The following DPP10 variants were observed in gnomAD, a reference collection of about 807,000 sequenced individuals.
DPP10 encodes the protein dipeptidyl peptidase like 10, also known as inactive dipeptidyl peptidase 10.
DPP10 carries 33 observed loss-of-function variants against 120.9 expected under a neutral mutation model. The ratio of observed to expected loss-of-function variants is 0.27; its 90% confidence interval spans 0.21 to 0.37. DPP10 has a LOEUF of 0.37. Among genes scored for constraint, DPP10 ranks in the 10% least tolerant of loss-of-function variants. The probability of loss-of-function intolerance (pLI) is 1.00; values close to 1 mark genes in which losing one functional copy is unlikely to be tolerated. For synonymous variants in DPP10, 337 were observed against 326.1 expected, an observed-to-expected ratio of 1.03 and a Z score of -0.36; for missense variants, 816 against 942.8, an observed-to-expected ratio of 0.87 and a Z score of 1.76.
intron 1 of DPP10, among the ~76,000 whole-genome samples, chr2:114,885,265 G>T (rs1049940779): frequency 6.6e-6 from 1 of 152,054 alleles, no homozygotes; most frequent in Non-Finnish European, 1.5e-5. Flanking sequence ...GAATGGGGGG[G>T]ACAGAGAGTG....
chr2:115,575,858 G>A (rs2081621247), intron 5 of DPP10, among the ~76,000 whole-genome samples: 1 of 152,206 alleles, frequency 6.6e-6, no homozygotes, highest in Admixed American at 6.5e-5. Context: ...GCTAGAGGAA[G>A]TGACGCATGA....
chr2:115,366,280 G>A (rs1016692735), intron 3 of DPP10, among the ~76,000 whole-genome samples: 10 of 151,824 alleles, frequency 6.6e-5, no homozygotes, highest in African/African-American at 2.2e-4. Flanking sequence ...GACAGCATCC[G>A]AAATTTACCT....
chr2:115,196,268 G>A (rs1301251101), intron 1 of DPP10, among the ~76,000 whole-genome samples: 2 of 152,174 alleles, frequency 1.3e-5, no homozygotes, highest in South Asian at 2.1e-4. Flanking sequence ...ATTGGAGCAT[G>A]TTCCTCCGTC....
chr2:114,993,933 T>C (rs1023295963), intron 1 of DPP10, among the ~76,000 whole-genome samples: 3 of 152,172 alleles, frequency 2.0e-5, no homozygotes, highest in Non-Finnish European at 4.4e-5. Context: ...TTGAATAGCC[T>C]TTCCGTCATC....
rs1491280011 is a variant in DPP10 at position 115,711,915 on chromosome 2, G to GTTTTTTTTTTTTTTTTTTTTTTTTTT, written c.577-15901_577-15900insTTTTTTTTTTTTTTTTTTTTTTTTTT. 1.2e-4 allele frequency among the ~76,000 whole-genome samples: 12 copies of GTTTTTTTTTTTTTTTTTTTTTTTTTT among 96,986 alleles called. 4 individuals carry two copies. Among genetic ancestry groups the GTTTTTTTTTTTTTTTTTTTTTTTTTT allele is most frequent in the Non-Finnish European group, 1.4e-4 (7 of 50,822 alleles). The allele number at this position is 96,986 out of a possible 152,430, so 63.6% of individuals were successfully genotyped here. A position where few individuals can be genotyped will look rare whatever the true frequency, so the allele number is the denominator to read the frequency against. On this transcript the variant is annotated intron_variant, in intron 7 of 25. Transcript: ENST00000410059. ...GAATATTGGACCTATAAAATGGTCT[G>GTTTTTTTTTTTTTTTTTTTTTTTTTT]GTTTTTTTTTTTTTTTTTTTTTTGG...
chr2:115,644,852 C>T (rs1281237780), intron 5 of DPP10, among the ~76,000 whole-genome samples: 2 of 152,028 alleles, frequency 1.3e-5, no homozygotes, highest in African/African-American at 2.4e-5. Flanking sequence ...CAGTCAGTAC[C>T]ACTAATCTCC....
chr2:114,647,572 GA>G (rs888470023), intron 1 of DPP10, among the ~76,000 whole-genome samples: 1 of 151,848 alleles, frequency 6.6e-6, no homozygotes, highest in African/African-American at 2.4e-5. Flanking sequence ...TAATGAAAAG[GA>G]AAACAGAAGT....
At chr2:115,013,906 C>T (rs972125783) in intron 1 of DPP10, among the ~76,000 whole-genome samples, 2 of 152,108 alleles carry the variant, frequency 1.3e-5, no homozygotes, top group Non-Finnish European at 2.9e-5. Flanking sequence ...GAGACTTTAA[C>T]AGCCCACTAT....
chr2:115,534,478 T>C (rs1392731221), intron 5 of DPP10, among the ~76,000 whole-genome samples: 5 of 151,558 alleles, frequency 3.3e-5, no homozygotes, highest in Non-Finnish European at 5.9e-5. Context: ...CCATGGTGTA[T>C]ATGTGCCACA....
intron 2 of DPP10, among the ~76,000 whole-genome samples, chr2:115,311,999 T>C (rs139608803): frequency 1.1e-3 from 161 of 152,198 alleles, no homozygotes; most frequent in African/African-American, 3.5e-3. Flanking sequence ...CAAGCAGTTC[T>C]CTTGCCTAGG....
At chr2:114,602,760 G>A (rs567106132) in intron 1 of DPP10, among the ~76,000 whole-genome samples, 1 of 152,116 alleles carries the variant, frequency 6.6e-6, no homozygotes, top group South Asian at 2.1e-4. Context: ...ATAAAGTGAT[G>A]TCATAAGTCC....
intron 1 of DPP10, among the ~76,000 whole-genome samples, chr2:114,542,434 T>C (rs564813083): frequency 4.2e-4 from 64 of 152,222 alleles, no homozygotes; most frequent in Non-Finnish European, 8.1e-4. Flanking sequence ...AGAAGGCTGA[T>C]TGAGTGGAAC....
intron 19 of DPP10, among the ~76,000 whole-genome samples, chr2:115,810,191 A>G (rs1321425362): frequency 6.6e-6 from 1 of 152,028 alleles, no homozygotes; most frequent in East Asian, 1.9e-4. Flanking sequence ...TGCCCTGATA[A>G]TTTGTGATCT....
intron 1 of DPP10, among the ~76,000 whole-genome samples, chr2:114,538,001 C>T (rs1686651919): frequency 6.6e-6 from 1 of 152,154 alleles, no homozygotes; most frequent in South Asian, 2.1e-4. Flanking sequence ...CTGGGAAATC[C>T]CTTAACACTA....
chr2:115,137,479 C>T (rs1212328529), intron 1 of DPP10, among the ~76,000 whole-genome samples: 1 of 152,192 alleles, frequency 6.6e-6, no homozygotes, highest in African/African-American at 2.4e-5. Flanking sequence ...AGGATAGCGA[C>T]ATAGGGAGAG....
intron 1 of DPP10, among the ~76,000 whole-genome samples, chr2:115,030,439 A>G (rs975074197): frequency 6.6e-6 from 1 of 152,124 alleles, no homozygotes; most frequent in Admixed American, 6.5e-5. Flanking sequence ...TCATTTTTCA[A>G]TTATGAGACT....
chr2:115,253,124 G>T (rs1396247828), intron 1 of DPP10, among the ~76,000 whole-genome samples: 1 of 152,130 alleles, frequency 6.6e-6, no homozygotes, highest in Non-Finnish European at 1.5e-5. Flanking sequence ...GGAAGAAGGT[G>T]AAGCAGGAGC....
intron 19 of DPP10, among the ~76,000 whole-genome samples, chr2:115,813,423 G>C (rs541126836): frequency 2.4e-4 from 37 of 152,222 alleles, no homozygotes; most frequent in Non-Finnish European, 5.0e-4. Context: ...TCTTTTGTGT[G>C]TGCAAATTTC....
At chr2:114,447,489 A>C (rs951781793) in intron 1 of DPP10, among the ~76,000 whole-genome samples, 2 of 152,228 alleles carry the variant, frequency 1.3e-5, no homozygotes, top group Non-Finnish European at 2.9e-5. Context: ...GTGTCATTGC[A>C]ATATGCAAAA....
Sources: gnomAD v4.1 joint callset for allele counts (sites outside exome capture counted in the v4.1 genomes callset) on GRCh38, gnomAD v4.1.1 for gene constraint, MANE v1.5 for transcripts, NCBI Gene and HGNC (gene_info 2026-07-23, HGNC 2026-07-21) for gene names.